Variants in SLC25A20 observed in about 807,000 individuals in gnomAD.
SLC25A20 encodes the protein mitochondrial carnitine/acylcarnitine carrier protein.
Under a neutral mutation model 39.7 loss-of-function variants are expected in SLC25A20, and 29 were observed. That is an observed-to-expected ratio of 0.73 (90% CI 0.54 to 1.00). The LOEUF (loss-of-function observed/expected upper bound fraction) is 1.00, where lower values mean the gene tolerates loss of function less well. Among genes scored for constraint, SLC25A20 ranks in the 50% least tolerant of loss-of-function variants. SLC25A20 has a pLI of 0.00. For missense variants in SLC25A20, 333 were observed against 379.9 expected (o/e 0.88, Z 1.03); for synonymous variants, 103 against 142.2 (o/e 0.72, Z 1.96).
At chr3:48,868,319 T>C (rs2083687842) in intron 4 of SLC25A20, among the ~76,000 whole-genome samples, 1 of 151,828 alleles carries the variant, frequency 6.6e-6, no homozygotes, top group African/African-American at 2.4e-5. Flanking sequence ...ACTTCAGGCA[T>C]AGACAAAATG....
At chr3:48,866,561 AAAC>A (rs1460564863) in intron 4 of SLC25A20, among the ~76,000 whole-genome samples, 1 of 152,136 alleles carries the variant, frequency 6.6e-6, no homozygotes, top group Non-Finnish European at 1.5e-5. Context: ...CTCAAAAAAA[AAAC>A]AAAAAACAAA....
At chr3:48,883,784 G>A (rs1324970895) in intron 3 of SLC25A20, among the ~76,000 whole-genome samples, 1 of 151,802 alleles carries the variant, frequency 6.6e-6, no homozygotes, top group Non-Finnish European at 1.5e-5. Context: ...ACAACACCCA[G>A]CTAATTTTTT....
chr3:48,857,736 G>A lies in SLC25A20; in HGVS notation c.880C>T (p.Leu294Phe), dbSNP rs1381933178. ...FLGFEVAMKF[L>F]NWATPNL is the part of the protein sequence containing the mutation. ...CACAAGTTGGGGGTGGCCCAATTAA[G>A]GAACTTCATGGCAACTTCAAAGCCA... The change falls in exon 9 of 9, where the codon CTT becomes TTT. Residue 294 changes from leucine (L) to phenylalanine (F), a missense_variant. Coordinates refer to ENST00000319017, the MANE Select transcript of SLC25A20 (RefSeq NM_000387.6). 6.2e-7 allele frequency: 1 copy of A among 1,613,800 alleles called. No homozygotes were observed. Among genetic ancestry groups the A allele is most frequent in the Non-Finnish European group, 8.5e-7 (1 of 1,179,994 alleles).
intron 4 of SLC25A20, among the ~76,000 whole-genome samples, chr3:48,875,566 T>C (rs2083749772): frequency 6.6e-6 from 1 of 152,080 alleles, no homozygotes; most frequent in African/African-American, 2.4e-5. Context: ...TGCACAACCA[T>C]ACCTGGCTAA....
intron 4 of SLC25A20, among the ~76,000 whole-genome samples, chr3:48,874,695 C>T (rs1179093150): frequency 6.6e-6 from 1 of 152,170 alleles, no homozygotes; most frequent in East Asian, 1.9e-4. Flanking sequence ...GACTACTATT[C>T]AGCAATAAAA....
chr3:48,866,792 A>AT (rs1011257070), intron 4 of SLC25A20, among the ~76,000 whole-genome samples: 52 of 147,620 alleles, frequency 3.5e-4, no homozygotes, highest in East Asian at 1.2e-3. Flanking sequence ...CACCACACCT[A>AT]TTTTTTTTTT....
intron 4 of SLC25A20, among the ~76,000 whole-genome samples, chr3:48,875,786 G>A (rs1446959098): frequency 1.3e-5 from 2 of 152,168 alleles, no homozygotes; most frequent in Admixed American, 6.5e-5. Flanking sequence ...GGAGGCCAAG[G>A]CAGACAGATC....
In SLC25A20 at chr3:48,857,751, C is replaced by T. The variant is rs950033834; in HGVS notation, c.865G>A (p.Val289Ile). Residue 289 changes from valine (V) to isoleucine (I), a missense_variant, in exon 9 of 9, where the codon GTT (valine) becomes ATT (isoleucine). Val to Ile is a conservative substitution (Grantham distance 29). Coordinates refer to ENST00000319017, the MANE Select transcript of SLC25A20 (RefSeq NM_000387.6). Reference sequence around the variant, plus strand: ...GCCCAATTAAGGAACTTCATGGCAACTTCAAAGCCAAGGAAACAGGCCTAA... The same window carrying T: ...GCCCAATTAAGGAACTTCATGGCAATTTCAAAGCCAAGGAAACAGGCCTAA... ...ANAACFLGFE[V>I]AMKFLNWATP... The T allele has an allele frequency of 2.5e-6, 4 of 1,613,848 alleles. No individual in the cohort carries two copies. The highest frequency in any genetic ancestry group is 3.4e-6 in the Non-Finnish European group (4 of 1,179,980).
chr3:48,859,280 GGGCAGTTACAGACA>G, intron 6 of SLC25A20, 79 bp from the exon 7 acceptor site: 3 of 1,345,980 alleles, frequency 2.2e-6, no homozygotes, highest in Non-Finnish European at 2.1e-6. Flanking sequence ...GTGGCAGACA[GGGCAGTTACAGACA>G]GGCAGAAACT....
chr3:48,861,379 C>T (rs1487521865), intron 5 of SLC25A20, among the ~76,000 whole-genome samples: 1 of 152,194 alleles, frequency 6.6e-6, no homozygotes, highest in Admixed American at 6.6e-5. Context: ...TGGGATGCTG[C>T]TCTGGGCCAA....
intron 4 of SLC25A20, among the ~76,000 whole-genome samples, chr3:48,874,811 CAGAGGCAGGAGGATCACTTAAGGT>C (rs2083742065): frequency 6.6e-6 from 1 of 151,902 alleles, no homozygotes; most frequent in African/African-American, 2.4e-5. Flanking sequence ...TTTTGGGAGG[CAGAGGCAGGAGGATCACTTAAGGT>C]CAGGAGTTCA....
Position 48,857,127 on chromosome 3 carries a change from A to G in SLC25A20, c.*583T>C, listed in dbSNP as rs958961123. 3 of 155,738 alleles carry G rather than the reference A, an allele frequency of 1.9e-5. No individual in the cohort carries two copies. The highest frequency in any genetic ancestry group is 7.2e-5 in the African/African-American group (3 of 41,392). The allele number at this position is 155,738 out of a possible 1,614,324, so 9.6% of individuals were successfully genotyped here. A position where few individuals can be genotyped will look rare whatever the true frequency, so the allele number is the denominator to read the frequency against. On this transcript the variant is annotated 3_prime_UTR_variant, in exon 9 of 9. Transcript: ENST00000319017. ...TCCAGTTTTACTTTTGATTATTTGC[A>G]GGCATAAAAAAAAAAAATCAAAATC...
At chr3:48,875,957 A>C (rs1424320357) in intron 4 of SLC25A20, among the ~76,000 whole-genome samples, 1 of 152,190 alleles carries the variant, frequency 6.6e-6, no homozygotes, top group African/African-American at 2.4e-5. Flanking sequence ...CAGAGATTGC[A>C]GTGTGCTGAA....
At chr3:48,897,626 G>A (rs918711287) in intron 1 of SLC25A20, among the ~76,000 whole-genome samples, 2 of 152,032 alleles carry the variant, frequency 1.3e-5, no homozygotes, top group Non-Finnish European at 2.9e-5. Context: ...ACCCCAGTAT[G>A]AGCTCTACTT....
intron 2 of SLC25A20, among the ~76,000 whole-genome samples, chr3:48,888,203 T>C (rs1311758703): frequency 3.0e-5 from 3 of 100,776 alleles, no homozygotes; most frequent in African/African-American, 1.2e-4. Flanking sequence ...CAAGACTCCA[T>C]CTCGAAAAAA....
intron 2 of SLC25A20, among the ~76,000 whole-genome samples, chr3:48,884,796 A>C (rs1330095453): frequency 1.3e-5 from 2 of 152,034 alleles, no homozygotes; most frequent in Non-Finnish European, 2.9e-5. Context: ...TTTGGGGAAA[A>C]AAACAAAAGC....
At chr3:48,877,884 C>A (rs1229169890) in intron 4 of SLC25A20, among the ~76,000 whole-genome samples, 1 of 152,138 alleles carries the variant, frequency 6.6e-6, no homozygotes, top group Non-Finnish European at 1.5e-5. Context: ...TAGGCCCAGG[C>A]TGACGCGTTA....
In SLC25A20 at chr3:48,857,555, T is replaced by C; in HGVS notation, c.*155A>G. ...ACTAAGTTATACACGGTGCAGGATG[T>C]CATTAAGGCAACAGTCTCACCAAGT... On this transcript the variant is annotated 3_prime_UTR_variant, in exon 9 of 9. Coordinates refer to ENST00000319017, the MANE Select transcript of SLC25A20 (RefSeq NM_000387.6). The C allele has an allele frequency of 2.9e-6, 2 of 695,476 alleles. No individual in the cohort carries two copies. Among genetic ancestry groups the C allele is most frequent in the Non-Finnish European group, 5.3e-6 (2 of 378,420 alleles). The allele number at this position is 695,476 out of a possible 1,614,324, so 43.1% of individuals were successfully genotyped here. A position where few individuals can be genotyped will look rare whatever the true frequency, so the allele number is the denominator to read the frequency against.
At chr3:48,859,419 T>G in intron 6 of SLC25A20, 136 bp downstream of exon 6, 1 of 882,616 alleles carries the variant, frequency 1.1e-6, no homozygotes, top group South Asian at 1.3e-5. Flanking sequence ...AAGAGCTAGC[T>G]GGACCTCAGC....
Sources: allele counts gnomAD v4.1 joint callset (sites outside exome capture counted in the v4.1 genomes callset), GRCh38; gene constraint gnomAD v4.1.1; transcripts MANE v1.5; gene names NCBI Gene and HGNC (gene_info 2026-07-23, HGNC 2026-07-21).